CAMKK1: variants seen among roughly 807,000 people sequenced by gnomAD.
CAMKK1 encodes calcium/calmodulin dependent protein kinase kinase 1, also known as calcium/calmodulin-dependent protein kinase kinase 1.
A neutral mutation model predicts 63.5 loss-of-function variants in CAMKK1; 20 were observed. The ratio of observed to expected loss-of-function variants is 0.32; its 90% CI spans 0.22 to 0.46. CAMKK1 has a LOEUF of 0.46. Ranked by LOEUF, CAMKK1 falls within the 20% of genes least tolerant of loss-of-function variation. The pLI, the probability that CAMKK1 is intolerant of heterozygous loss-of-function variation, is 1.00. For missense variants in CAMKK1, 588 were observed against 658.1 expected, an observed-to-expected ratio of 0.89 and a Z score of 1.17; for synonymous variants, 253 against 269.0, an observed-to-expected ratio of 0.94 and a Z score of 0.58.
In CAMKK1 at chr17:3,867,968, G is replaced by A. The variant is rs1179596055; in HGVS notation, c.1341+1519C>T. Among the ~76,000 whole-genome samples, 3 of 140,770 alleles carry A rather than the reference G, an allele frequency of 2.1e-5. 1 individual carries two copies. Among genetic ancestry groups the A allele is most frequent in the African/African-American group, 8.2e-5 (3 of 36,586 alleles). 92.4% of individuals were successfully genotyped at this position (140,770 alleles called of 152,430 possible). The stretch of plus-strand genomic sequence containing the variant: ...ACAGGCACTGTCTAATGGATACGCA[G>A]GATCTGGGGGAGATGCAGGCACCGT... On this transcript the variant is annotated intron_variant, in intron 14 of 15. Transcript: ENST00000348335.
At chr17:3,877,014 T>A (rs1275197023) in intron 9 of CAMKK1, among the ~76,000 whole-genome samples, 1 of 152,068 alleles carries the variant, frequency 6.6e-6, no homozygotes, top group East Asian at 1.9e-4. Flanking sequence ...CACCTTGGCC[T>A]CCCAAAGTGC....
In CAMKK1 at chr17:3,887,926, G is replaced by A. The variant is rs182096678; in HGVS notation, c.-43-2196C>T. Among the ~76,000 whole-genome samples the A allele has an allele frequency of 3.3e-5, 5 of 152,272 alleles. No individual in the cohort carries two copies. The highest frequency in any genetic ancestry group is 2.6e-4 in the Admixed American group (4 of 15,294). ...TCCCTCCCGAATGTAAGTTTCATGA[G>A]ATTAGGACGCTCATCTGCCTTGTCT... On this transcript the variant is annotated intron_variant, in intron 1 of 15. Transcript: ENST00000348335. This position sits in a 1 kb window ranked among gnomAD's most constrained non-coding sequence, Gnocchi z 6.1.
chr17:3,870,544 T>A (rs916120199), intron 12 of CAMKK1, among the ~76,000 whole-genome samples: 4 of 152,064 alleles, frequency 2.6e-5, no homozygotes, highest in African/African-American at 9.7e-5. Context: ...TTTTTGTATT[T>A]TTAGTAGAGA....
In CAMKK1 at chr17:3,876,509, C is replaced by T. The variant is rs558906016; in HGVS notation, c.797-87G>A. 698 of 1,181,652 alleles carry T rather than the reference C, an allele frequency of 5.9e-4. 10 individuals carry two copies. The South Asian group carries it at 6.4e-3, about 11-fold the overall frequency. 73.2% of individuals were successfully genotyped at this position (1,181,652 alleles called of 1,614,324 possible). On this transcript the variant is annotated intron_variant, in intron 9 of 15. Transcript: ENST00000348335. ...CCCGTCCTTGCACAGCCAGGGACGC[C>T]GGCCGGGACATCCCAGCCCATGCAC...
chr17:3,864,196 C>G (rs1267137233), intron 15 of CAMKK1, among the ~76,000 whole-genome samples: 3 of 151,742 alleles, frequency 2.0e-5, no homozygotes, highest in Admixed American at 6.6e-5. Context: ...AGCAATCCTG[C>G]CTTGGCCTCC....
rs370912763 is a variant in CAMKK1 at position 3,876,262 on chromosome 17, G to C, written c.957C>G (p.Pro319=). 7 of 1,614,158 alleles carry C rather than the reference G, an allele frequency of 4.3e-6. No homozygotes were observed. The highest frequency in any genetic ancestry group is 5.9e-6 in the Non-Finnish European group (7 of 1,180,036). ...TCTGGCCGGAATCAGAAATGGCCTC[G>C]GGGGCCATGAATGCTGGGGTTCCCG... ...STAGTPAFMA[P]EAISDSGQSF... is the part of the protein sequence containing the mutation. The change falls in exon 10 of 16, where the codon CCC becomes CCG. Residue 319 remains proline, a synonymous_variant. Coordinates refer to ENST00000348335, the MANE Select transcript of CAMKK1 (RefSeq NM_032294.3).
Position 3,864,931 on chromosome 17 carries a change from C to T in CAMKK1, c.1445+977G>A, listed in dbSNP as rs116993212. On this transcript the variant is annotated intron_variant, in intron 15 of 15. Coordinates refer to ENST00000348335, the MANE Select transcript of CAMKK1 (RefSeq NM_032294.3). ...TGGTCCCGGACAGGCCTGGTGACAG[C>T]GTGAAGCCAAGGCACCCGGACAGCG... 7.4e-3 allele frequency among the ~76,000 whole-genome samples: 1,130 copies of T among 152,284 alleles called. 31 individuals carry two copies. The highest frequency in any genetic ancestry group is 0.054 in the Admixed American group (829 of 15,298).
At chr17:3,880,702 G>T (rs2055371321) in intron 8 of CAMKK1, among the ~76,000 whole-genome samples, 1 of 151,638 alleles carries the variant, frequency 6.6e-6, no homozygotes, top group Non-Finnish European at 1.5e-5. Context: ...CAATTGCAAA[G>T]ATGCCATTTA....
intron 14 of CAMKK1, among the ~76,000 whole-genome samples, chr17:3,866,394 C>G (rs1271736139): frequency 2.0e-5 from 3 of 152,256 alleles, no homozygotes; most frequent in Non-Finnish European, 4.4e-5. Flanking sequence ...CGAGAAGATG[C>G]CAAGATGCTA....
At chr17:3,874,486 C>T (rs2055050184) in intron 10 of CAMKK1, among the ~76,000 whole-genome samples, 1 of 152,214 alleles carries the variant, frequency 6.6e-6, no homozygotes. Flanking sequence ...ATTCTTCTGC[C>T]TCAGCCTCCC....
At chr17:3,869,433 C>G in intron 14 of CAMKK1, 54 bp downstream of exon 14, 1 of 1,608,984 alleles carries the variant, frequency 6.2e-7, no homozygotes, top group African/African-American at 1.3e-5. Flanking sequence ...CAGAGCAAGG[C>G]TCAGGTCCCC....
chr17:3,884,465 C>T lies in CAMKK1; in HGVS notation c.361-38G>A, dbSNP rs780364485. Reference sequence around the variant, plus strand: ...AGCGAGCACCAGGTGGAGCTGGGTCCGGAGGCAGCACTGCTCCTACCTCAG... The same window carrying T: ...AGCGAGCACCAGGTGGAGCTGGGTCTGGAGGCAGCACTGCTCCTACCTCAG... On this transcript the variant is annotated intron_variant, in intron 2 of 15. Transcript: ENST00000348335. The surrounding 1 kb of genome is among the most constrained non-coding windows in gnomAD (Gnocchi z 4.5). 11 of 1,604,718 alleles carry T rather than the reference C, an allele frequency of 6.9e-6. No homozygotes were observed. Among genetic ancestry groups the T allele is most frequent in the Admixed American group, 5.0e-5 (3 of 59,742 alleles).
At chr17:3,874,400 C>T (rs2055046431) in intron 10 of CAMKK1, among the ~76,000 whole-genome samples, 1 of 152,036 alleles carries the variant, frequency 6.6e-6, no homozygotes, top group Non-Finnish European at 1.5e-5. Flanking sequence ...CAGACAGAGT[C>T]TCACTCTGTC....
chr17:3,877,089 C>T (rs1433429022), intron 9 of CAMKK1, among the ~76,000 whole-genome samples: 4 of 152,074 alleles, frequency 2.6e-5, no homozygotes, highest in Non-Finnish European at 5.9e-5. Flanking sequence ...CTAGCTCTGC[C>T]CCTTCCCTGT....
Position 3,885,321 on chromosome 17 carries a change from C to T in CAMKK1, c.360+7G>A. On this transcript the variant is annotated splice_region_variant and intron_variant, in intron 2 of 15. Coordinates refer to ENST00000348335, the MANE Select transcript of CAMKK1 (RefSeq NM_032294.3). The stretch of plus-strand genomic sequence containing the variant: ...TCATGAACAACCCCTCGTTCTGCCC[C>T]ACCAACCTCTGCATCTGAGATGGCC... The T allele has an allele frequency of 2.5e-6, 4 of 1,580,624 alleles. No individual in the cohort carries two copies. The highest frequency in any genetic ancestry group is 2.3e-5 in the South Asian group (2 of 86,992).
intron 12 of CAMKK1, 110 bp from the exon 13 acceptor site, chr17:3,869,998 G>T: frequency 1.2e-6 from 1 of 844,642 alleles, no homozygotes. Context: ...CTGAGTTCCG[G>T]ACAGCAGGCA....
intron 15 of CAMKK1, among the ~76,000 whole-genome samples, chr17:3,863,837 T>C (rs1447976206): frequency 6.6e-6 from 1 of 152,222 alleles, no homozygotes; most frequent in Admixed American, 6.5e-5. Flanking sequence ...ACACTAAATG[T>C]ATCCTTATCC....
rs888915423 is a variant in CAMKK1, at chr17:3,862,888, C to A, written c.1446-605G>T. Among the ~76,000 whole-genome samples the A allele has an allele frequency of 6.6e-6, 1 of 152,182 alleles. No individual in the cohort carries two copies. The highest frequency in any genetic ancestry group is 1.5e-5 in the Non-Finnish European group (1 of 68,040). On this transcript the variant is annotated intron_variant, in intron 15 of 15. Transcript: ENST00000348335. This position sits in a 1 kb window ranked among gnomAD's most constrained non-coding sequence, Gnocchi z 4.1. ...CTGGGCTCAAGCGATCCATCCACCT[C>A]AGCCTCCTAAAGTGTTGGGATTGCA...
Position 3,876,361 on chromosome 17 carries a change from A to G in CAMKK1, c.858T>C (p.Asp286=), listed in dbSNP as rs1458871666. 2 of 1,614,112 alleles carry G rather than the reference A, an allele frequency of 1.2e-6. No homozygotes were observed. The highest frequency in any genetic ancestry group is 8.5e-7 in the Non-Finnish European group (1 of 1,180,048). Residue 286 remains aspartate, a synonymous_variant, in exon 10 of 16, where the codon GAT becomes GAC. Transcript: ENST00000348335. ...CAAAGTCGGCGATCTTCACGTGCCC[A>G]TCATCCCCCAGGAGCAGGTTGGATG... ...IKPSNLLLGD[D]GHVKIADFGV...
Sources: allele counts gnomAD v4.1 joint callset (sites outside exome capture counted in the v4.1 genomes callset), GRCh38; gene constraint gnomAD v4.1.1; non-coding constraint Gnocchi (gnomAD v3.1); transcripts MANE v1.5; gene names NCBI Gene and HGNC (gene_info 2026-07-23, HGNC 2026-07-21).